The following GRB14 variants were observed in gnomAD, a reference collection of about 807,000 sequenced individuals.
The protein encoded by GRB14 is growth factor receptor bound protein 14, also known as growth factor receptor-bound protein 14.
GRB14 carries 38 observed loss-of-function variants against 69.1 expected under a neutral mutation model. That is an observed-to-expected ratio of 0.55 (90% CI 0.42 to 0.72). The LOEUF is 0.72. Among genes scored for constraint, GRB14 ranks in the 30% least tolerant of loss-of-function variants. The probability of loss-of-function intolerance (pLI) is 0.00; values close to 1 mark genes in which losing one functional copy is unlikely to be tolerated. For missense variants in GRB14, 666 were observed against 666.1 expected, an observed-to-expected ratio of 1.00 and a Z score of 0.00; for synonymous variants, 247 against 241.3, an observed-to-expected ratio of 1.02 and a Z score of -0.22.
At chr2:164,610,596 A>G (rs903834370) in intron 2 of GRB14, among the ~76,000 whole-genome samples, 5 of 152,050 alleles carry the variant, frequency 3.3e-5, no homozygotes, top group Admixed American at 1.3e-4. Context: ...TCTGTTAATC[A>G]AATTTAATTT....
At chr2:164,583,168 C>T (rs76420780) in intron 2 of GRB14, among the ~76,000 whole-genome samples, 3,805 of 152,320 alleles carry the variant, frequency 0.025, 157 homozygotes, top group African/African-American at 0.086. Context: ...CCCTGTTTAT[C>T]ACTAAATATC....
intron 6 of GRB14, among the ~76,000 whole-genome samples, chr2:164,514,136 T>A (rs1289499113): frequency 6.6e-6 from 1 of 152,202 alleles, no homozygotes; most frequent in African/African-American, 2.4e-5. Context: ...CTCTAGGAAT[T>A]TACAATGTAT....
At chr2:164,615,051 G>A (rs952522346) in intron 2 of GRB14, among the ~76,000 whole-genome samples, 3 of 152,134 alleles carry the variant, frequency 2.0e-5, no homozygotes, top group African/African-American at 7.2e-5. Flanking sequence ...ACTAGAAACA[G>A]TGTGGTAAGG....
At chr2:164,579,914 AAT>A (rs532546772) in intron 2 of GRB14, among the ~76,000 whole-genome samples, 18 of 152,238 alleles carry the variant, frequency 1.2e-4, no homozygotes, top group African/African-American at 3.6e-4. Context: ...TAATTTTTAT[AAT>A]TCCTTTACTA....
At chr2:164,598,630 T>C (rs1689842674) in intron 2 of GRB14, among the ~76,000 whole-genome samples, 1 of 152,164 alleles carries the variant, frequency 6.6e-6, no homozygotes. Context: ...CTCTAGGCTA[T>C]ATTTATTGGT....
At chr2:164,493,892 C>G (rs1387940499) in intron 13 of GRB14, among the ~76,000 whole-genome samples, 1 of 151,942 alleles carries the variant, frequency 6.6e-6, no homozygotes, top group African/African-American at 2.4e-5. Flanking sequence ...ACATGCACAC[C>G]CACACAGACA....
chr2:164,499,510 T>G (rs182524430), intron 9 of GRB14, among the ~76,000 whole-genome samples: 1 of 152,104 alleles, frequency 6.6e-6, no homozygotes, highest in Non-Finnish European at 1.5e-5. Flanking sequence ...TTCTTTCACA[T>G]AGAAAAGCAA....
At position 164,526,294 on chromosome 2, in the gene GRB14, T is replaced by C. The variant is rs184008028; in HGVS notation, c.603+720A>G. 9.5e-3 allele frequency among the ~76,000 whole-genome samples: 1,449 copies of C among 152,194 alleles called. 18 individuals are homozygous for C. The highest frequency in any genetic ancestry group is 0.018 in the South Asian group (88 of 4,828). ...TCATCCAAAACTTAGTGTAAAAATATGCTTCAGCTGCAGAGACAAAAACAA... is the reference window on the plus strand; with the variant it reads ...TCATCCAAAACTTAGTGTAAAAATACGCTTCAGCTGCAGAGACAAAAACAA... On this transcript the variant is annotated intron_variant, in intron 4 of 13. Transcript: ENST00000263915.
intron 2 of GRB14, among the ~76,000 whole-genome samples, chr2:164,562,360 GC>G (rs1464659143): frequency 2.6e-5 from 4 of 152,094 alleles, no homozygotes; most frequent in Non-Finnish European, 4.4e-5. Flanking sequence ...ATATTCATCA[GC>G]GTATATAGTT....
chr2:164,582,636 G>T (rs1689441952), intron 2 of GRB14, among the ~76,000 whole-genome samples: 1 of 151,978 alleles, frequency 6.6e-6, no homozygotes, highest in South Asian at 2.1e-4. Flanking sequence ...GGCCAGGCTG[G>T]TCCTGAACTC....
At chr2:164,522,177 A>G (rs1312056344) in intron 5 of GRB14, 60 bp from the exon 6 acceptor site, 2 of 908,454 alleles carry the variant, frequency 2.2e-6, no homozygotes, top group Non-Finnish European at 3.5e-6. Flanking sequence ...GTAGCCTTAT[A>G]CTAATCATAT....
At chr2:164,544,255 GC>G (rs1468632449) in intron 3 of GRB14, among the ~76,000 whole-genome samples, 1 of 152,118 alleles carries the variant, frequency 6.6e-6, no homozygotes, top group East Asian at 1.9e-4. Context: ...TCCACTTTCA[GC>G]TTTTGCATTA....
At chr2:164,616,343 A>G (rs528347542) in intron 2 of GRB14, among the ~76,000 whole-genome samples, 5 of 148,724 alleles carry the variant, frequency 3.4e-5, no homozygotes, top group South Asian at 4.3e-4. Context: ...GGAGAATGGC[A>G]TGAACCCAGG....
chr2:164,588,665 G>T (rs1288084146), intron 2 of GRB14, among the ~76,000 whole-genome samples: 1 of 152,126 alleles, frequency 6.6e-6, no homozygotes, highest in African/African-American at 2.4e-5. Flanking sequence ...AAAAGTGATT[G>T]TCTCAGAAGT....
At position 164,497,398 on chromosome 2, in the gene GRB14, C is replaced by T. The variant is rs370654549; in HGVS notation, c.1197G>A (p.Ala399=). The T allele has an allele frequency of 1.9e-5, 30 of 1,613,268 alleles. No individual in the cohort carries two copies. The highest frequency in any genetic ancestry group is 2.7e-5 in the African/African-American group (2 of 75,018). ...IENPTEALSV[A]VEEGLAWRKK... ...CCCTCCAAGCGAGTCCTTCTTCAAC[C>T]GCAACTGAAAGGGCTTCAGTGGGAT... is the stretch of plus-strand genomic sequence containing the variant. Residue 399 remains alanine, a synonymous_variant, in exon 10 of 14, where the codon GCG becomes GCA. Transcript: ENST00000263915.
In GRB14 at chr2:164,540,710, G is replaced by A. The variant is rs548603158; in HGVS notation, c.481+6950C>T. On this transcript the variant is annotated intron_variant, in intron 3 of 13. Coordinates refer to ENST00000263915, the MANE Select transcript of GRB14 (RefSeq NM_004490.3). ...CTCCCCAGAGCTTATCATCCTCTAC[G>A]GGATAACAAATATTAGGCCTTGTTT... Among the ~76,000 whole-genome samples, 18 of 152,198 alleles carry A rather than the reference G, an allele frequency of 1.2e-4. No homozygotes were observed. The South Asian group carries it at 2.7e-3, about 23-fold the overall frequency.
intron 2 of GRB14, chr2:164,574,084 T>A: frequency 2.3e-6 from 2 of 861,420 alleles, no homozygotes; most frequent in Non-Finnish European, 3.8e-6. Context: ...GAAACTCTGG[T>A]TTTACCAGCT....
At chr2:164,547,887 T>C (rs911232569) in intron 2 of GRB14, 71 bp from the exon 3 acceptor site, 2 of 1,019,090 alleles carry the variant, frequency 2.0e-6, no homozygotes, top group African/African-American at 3.2e-5. Context: ...TTATTGTATA[T>C]ATTTAAAGTA....
chr2:164,605,560 A>G (rs551582425), intron 2 of GRB14, among the ~76,000 whole-genome samples: 2 of 152,302 alleles, frequency 1.3e-5, no homozygotes, highest in South Asian at 4.1e-4. Context: ...AAGGAATACC[A>G]ACACTCAAAT....
Sources: allele counts gnomAD v4.1 joint callset (sites outside exome capture counted in the v4.1 genomes callset), GRCh38; gene constraint gnomAD v4.1.1; transcripts MANE v1.5; gene names NCBI Gene and HGNC (gene_info 2026-07-23, HGNC 2026-07-21).